The following CPT1A variants were observed in gnomAD, a reference collection of about 807,000 sequenced individuals.
CPT1A encodes the protein carnitine palmitoyltransferase 1A.
A neutral mutation model predicts 100.8 loss-of-function variants in CPT1A; 64 were observed. That is an observed-to-expected ratio of 0.63 (90% CI 0.52 to 0.78). CPT1A has a LOEUF of 0.78. Among genes scored for constraint, CPT1A ranks in the 30% least tolerant of loss-of-function variants. CPT1A has a pLI of 0.00. For synonymous variants in CPT1A, 363 were observed against 396.0 expected, an observed-to-expected ratio of 0.92 and a Z score of 0.99; for missense variants, 802 against 1,034.1, an observed-to-expected ratio of 0.78 and a Z score of 3.08.
chr11:68,815,874 G>A (rs1856373565), intron 1 of CPT1A, among the ~76,000 whole-genome samples: 1 of 149,462 alleles, frequency 6.7e-6, no homozygotes, highest in Non-Finnish European at 1.5e-5. Flanking sequence ...CCCCAACCCT[G>A]GCCCTGGACG....
At chr11:68,844,075 T>G (rs1857206144), upstream of CPT1A, 1 of 152,252 alleles carries the variant, frequency 6.6e-6, no homozygotes, top group Non-Finnish European at 1.5e-5. Flanking sequence ...GCCGCCTAGG[T>G]GCCACCTGCA....
intron 3 of CPT1A, among the ~76,000 whole-genome samples, chr11:68,809,480 C>T (rs74492093): frequency 0.02 from 3,023 of 152,242 alleles, 109 homozygotes; most frequent in African/African-American, 0.069. Context: ...TCACATGACA[C>T]GGATGACTCC....
At position 68,760,319 on chromosome 11, in the gene CPT1A, C is replaced by G; in HGVS notation, c.2048G>C (p.Arg683Thr). 6.2e-7 allele frequency: 1 copy of G among 1,611,690 alleles called. No individual in the cohort carries two copies. The highest frequency in any genetic ancestry group is 8.5e-7 in the Non-Finnish European group (1 of 1,178,978). ...FLKEVLSEPWRLSTSQTPQQQ... is the reference protein window; with the variant it reads ...FLKEVLSEPWTLSTSQTPQQQ... ...CTGAGGGGTCTGGCTTGTTGATAAT[C>G]TCCAAGGCTCAGATAAAACCTATTG... Residue 683 changes from arginine (R) to threonine (T), a missense_variant, in exon 17 of 19, where the codon AGA becomes ACA. Coordinates refer to ENST00000265641, the MANE Select transcript of CPT1A (RefSeq NM_001876.4).
rs77320558 is a variant in CPT1A at position 68,789,105 on chromosome 11, G to A, written c.968-4095C>T. Among the ~76,000 whole-genome samples the A allele has an allele frequency of 3.7e-4, 57 of 152,338 alleles. 1 individual carries two copies. Among genetic ancestry groups the A allele is most frequent in the Non-Finnish European group, 4.6e-4 (31 of 68,030 alleles). On this transcript the variant is annotated intron_variant, in intron 9 of 18. Transcript: ENST00000265641. Reference sequence around the variant, plus strand: ...TACATCATAAATGTCAATAATGATTGTACTGGAGTGGTAAGATTAGGGCTG... The same window carrying A: ...TACATCATAAATGTCAATAATGATTATACTGGAGTGGTAAGATTAGGGCTG...
At chr11:68,828,962 GC>G (rs1261577868) in intron 1 of CPT1A, among the ~76,000 whole-genome samples, 1 of 152,102 alleles carries the variant, frequency 6.6e-6, no homozygotes, top group Admixed American at 6.5e-5. Context: ...GAGTCAGCCA[GC>G]CCCCCAGGAC....
chr11:68,797,798 T>A (rs1381516786), intron 6 of CPT1A, among the ~76,000 whole-genome samples: 1 of 151,952 alleles, frequency 6.6e-6, no homozygotes, highest in Non-Finnish European at 1.5e-5. Flanking sequence ...GCCAACATGA[T>A]GAAACCCCGT....
chr11:68,836,163 G>A (rs986408836), intron 1 of CPT1A, among the ~76,000 whole-genome samples: 2 of 152,204 alleles, frequency 1.3e-5, no homozygotes, highest in Non-Finnish European at 1.5e-5. Flanking sequence ...GAGCCACTGT[G>A]TGTATTTGAA....
intron 15 of CPT1A, 80 bp from the exon 16 acceptor site, chr11:68,761,767 C>T (rs1223510688): frequency 1.5e-5 from 23 of 1,516,418 alleles, no homozygotes; most frequent in Middle Eastern, 1.9e-4. Flanking sequence ...CCACCGCACC[C>T]GGCTAATATT....
chr11:68,816,833 T>TGTGTGTGGTGTGTGC lies in CPT1A; in HGVS notation c.-13-1361_-13-1347dup, dbSNP rs918168390. ...ATGTGTGTGTGGTGTGTGTGGTGTATGTGTGTGGTGTGTGCGTGTGTGGTG... is the reference window on the plus strand; with the variant it reads ...ATGTGTGTGTGGTGTGTGTGGTGTATGTGTGTGGTGTGTGCGTGTGTGGTGTGTGCGTGTGTGGTG... On this transcript the variant is annotated intron_variant, in intron 1 of 18. Coordinates refer to ENST00000265641, the MANE Select transcript of CPT1A (RefSeq NM_001876.4). 8.8e-5 allele frequency among the ~76,000 whole-genome samples: 12 copies of TGTGTGTGGTGTGTGC among 135,674 alleles called. No homozygotes were observed. The East Asian group carries it at 2.1e-3, about 24-fold the overall frequency. 89.0% of individuals were successfully genotyped at this position (135,674 alleles called of 152,430 possible).
Position 68,803,603 on chromosome 11 carries a change from C to T in CPT1A, c.555+397G>A, listed in dbSNP as rs192177805. 7.2e-3 allele frequency among the ~76,000 whole-genome samples: 1,089 copies of T among 151,760 alleles called. 18 individuals are homozygous for T. The highest frequency in any genetic ancestry group is 0.023 in the African/African-American group (968 of 41,386). On this transcript the variant is annotated intron_variant, in intron 5 of 18. Coordinates refer to ENST00000265641, the MANE Select transcript of CPT1A (RefSeq NM_001876.4). Reference sequence around the variant, plus strand: ...GCAGGTGCCTGTAATCCCAGCTACTCGGGAGGCTGGGGCAGGAGAATCACT... The same window carrying T: ...GCAGGTGCCTGTAATCCCAGCTACTTGGGAGGCTGGGGCAGGAGAATCACT...
intron 1 of CPT1A, among the ~76,000 whole-genome samples, chr11:68,824,386 C>T (rs569353868): frequency 1.3e-5 from 2 of 152,160 alleles, no homozygotes; most frequent in Admixed American, 1.3e-4. Context: ...TCATGGAGGG[C>T]ACTCTGGGTA....
intron 1 of CPT1A, among the ~76,000 whole-genome samples, chr11:68,836,523 C>T (rs552668842): frequency 3.9e-5 from 6 of 151,924 alleles, no homozygotes; most frequent in African/African-American, 2.4e-5. Context: ...CTGTAATCCC[C>T]GCACTTTGGG....
intron 16 of CPT1A, among the ~76,000 whole-genome samples, chr11:68,761,080 C>T (rs1946800105): frequency 6.7e-6 from 1 of 149,552 alleles, no homozygotes; most frequent in Non-Finnish European, 1.5e-5. Context: ...GAGCTGGGCA[C>T]AGTGGTGCAC....
At chr11:68,764,093 T>C (rs1854716670) in intron 14 of CPT1A, among the ~76,000 whole-genome samples, 1 of 152,126 alleles carries the variant, frequency 6.6e-6, no homozygotes, top group South Asian at 2.1e-4. Flanking sequence ...TTGGTGGAGA[T>C]GACGGGATAG....
intron 1 of CPT1A, among the ~76,000 whole-genome samples, chr11:68,835,829 C>G (rs1366290982): frequency 2.0e-5 from 3 of 152,204 alleles, no homozygotes; most frequent in African/African-American, 4.8e-5. Flanking sequence ...ACCAATTACT[C>G]AGACCTGTGA....
At chr11:68,838,572 T>TAAAAAAAAAAAACAAAAAA (rs1857072312) in intron 1 of CPT1A, among the ~76,000 whole-genome samples, 2 of 95,522 alleles carry the variant, frequency 2.1e-5, no homozygotes, top group East Asian at 4.9e-4. Context: ...TGCACCTTTT[T>TAAAAAAAAAAAACAAAAAA]AAAAAAAAAA....
intron 14 of CPT1A, among the ~76,000 whole-genome samples, chr11:68,766,254 G>C (rs1304631976): frequency 6.6e-6 from 1 of 152,000 alleles, no homozygotes; most frequent in African/African-American, 2.4e-5. Context: ...AAGGACCCCT[G>C]AGAAGGGGTC....
At position 68,773,247 on chromosome 11, in the gene CPT1A, T is replaced by TA; in HGVS notation, c.1740+17dup. On this transcript the variant is annotated intron_variant, in intron 14 of 18. Transcript: ENST00000265641. ...CCCCAAAGTGCTCACGACAAAACCC[T>TA]AGGCGGTCAGTTCTTACCTTGTAGT... 6.2e-7 allele frequency: 1 copy of TA among 1,613,406 alleles called. No homozygotes were observed. Among genetic ancestry groups the TA allele is most frequent in the Non-Finnish European group, 8.5e-7 (1 of 1,179,954 alleles).
chr11:68,757,693 A>G lies in CPT1A; in HGVS notation c.2273T>C (p.Met758Thr). The change falls in exon 19 of 19, where the codon ATG becomes ACG. Residue 758 changes from methionine (M) to threonine (T), a missense_variant. Met to Thr is a moderately conservative substitution (Grantham distance 81). Transcript: ENST00000265641. ...ACCAAACAAAGTGATGATGTCAGTC[A>G]TTGCTTCTTTCAGGTGCCTTCCAAA... The part of the protein sequence containing the change: ...HRFGRHLKEA[M>T]TDIITLFGLS... The G allele has an allele frequency of 6.2e-7, 1 of 1,614,162 alleles. No individual in the cohort carries two copies. Among genetic ancestry groups the G allele is most frequent in the Non-Finnish European group, 8.5e-7 (1 of 1,180,014 alleles).
Sources: gnomAD v4.1 joint callset for allele counts (sites outside exome capture counted in the v4.1 genomes callset) on GRCh38, gnomAD v4.1.1 for gene constraint, MANE v1.5 for transcripts, NCBI Gene and HGNC (gene_info 2026-07-23, HGNC 2026-07-21) for gene names.